Variants in DTNA observed in about 807,000 individuals in gnomAD.
The protein encoded by DTNA is dystrobrevin alpha, also known as dystrophin-related protein 3.
Under a neutral mutation model 100.7 loss-of-function variants are expected in DTNA, and 43 were observed. The observed-to-expected ratio is 0.43, with a 90% CI of 0.33 to 0.55. The LOEUF is 0.55. Ranked by LOEUF, DTNA falls within the 20% of genes least tolerant of loss-of-function variation. The pLI is 0.04. For missense variants in DTNA, 798 were observed against 953.9 expected (o/e 0.84, Z 2.15); for synonymous variants, 349 against 347.9 (o/e 1.00, Z -0.04).
At chr18:34,787,047 G>A (rs762638705) in intron 3 of DTNA, among the ~76,000 whole-genome samples, 7 of 152,144 alleles carry the variant, frequency 4.6e-5, no homozygotes, top group Non-Finnish European at 8.8e-5. Context: ...GAGCCTAAGA[G>A]ATGCAGCATT....
intron 11 of DTNA, among the ~76,000 whole-genome samples, chr18:34,831,324 G>T (rs1421440575): frequency 2.0e-5 from 3 of 152,080 alleles, no homozygotes; most frequent in Non-Finnish European, 4.4e-5. Context: ...CTCACAAAAG[G>T]AATCACCTTG....
intron 1 of DTNA, among the ~76,000 whole-genome samples, chr18:34,589,268 A>G (rs573493595): frequency 3.9e-5 from 6 of 152,246 alleles, no homozygotes; most frequent in Admixed American, 2.0e-4. Flanking sequence ...GGTGATTACT[A>G]CAGTTAAACA....
chr18:34,717,407 G>A (rs1568304742), intron 1 of DTNA, among the ~76,000 whole-genome samples: 1 of 152,162 alleles, frequency 6.6e-6, no homozygotes, highest in South Asian at 2.1e-4. Context: ...ACAAGAAGGT[G>A]AGTATTCTTT....
chr18:34,509,654 T>C (rs2040837427), intron 1 of DTNA, among the ~76,000 whole-genome samples: 3 of 152,164 alleles, frequency 2.0e-5, no homozygotes, highest in Admixed American at 2.0e-4. Context: ...CAGGAAAACA[T>C]TTCAAATCAT....
chr18:34,701,008 G>A (rs1483839306), intron 1 of DTNA, among the ~76,000 whole-genome samples: 2 of 152,054 alleles, frequency 1.3e-5, no homozygotes, highest in Non-Finnish European at 2.9e-5. Context: ...ACCCTCTTAA[G>A]GACTGAGTGC....
chr18:34,683,799 T>C (rs184842299), intron 1 of DTNA: 1 of 152,142 alleles, frequency 6.6e-6, no homozygotes, highest in African/African-American at 2.4e-5. Context: ...ATCATTAACA[T>C]TTTTCTCCAG....
chr18:34,545,729 T>C (rs2044711259), intron 1 of DTNA, among the ~76,000 whole-genome samples: 1 of 152,094 alleles, frequency 6.6e-6, no homozygotes, highest in South Asian at 2.1e-4. Context: ...TTATAAATTA[T>C]ATTTAATTTC....
intron 17 of DTNA, among the ~76,000 whole-genome samples, chr18:34,873,935 T>C (rs2096790032): frequency 6.6e-6 from 1 of 152,174 alleles, no homozygotes; most frequent in African/African-American, 2.4e-5. Flanking sequence ...CATTACAAGG[T>C]ACTGTTGAGA....
At chr18:34,705,833 T>C (rs1056898472), upstream of DTNA, among the ~76,000 whole-genome samples, 1 of 152,250 alleles carries the variant, frequency 6.6e-6, no homozygotes, top group East Asian at 1.9e-4. Context: ...TTCTGATATA[T>C]ACGAATGTTA....
intron 1 of DTNA, among the ~76,000 whole-genome samples, chr18:34,606,143 A>G (rs2053048165): frequency 6.6e-6 from 1 of 152,098 alleles, no homozygotes; most frequent in Admixed American, 6.6e-5. Context: ...GGAGGGGAAA[A>G]ATACTGAGTA....
intron 1 of DTNA, among the ~76,000 whole-genome samples, chr18:34,740,606 A>G (rs1050376721): frequency 1.3e-5 from 2 of 152,140 alleles, no homozygotes; most frequent in Non-Finnish European, 2.9e-5. Context: ...CCTGGGTGAC[A>G]TAGTGAGACC....
At chr18:34,794,398 C>T in intron 4 of DTNA, 148 bp downstream of exon 4, 2 of 876,496 alleles carry the variant, frequency 2.3e-6, no homozygotes, top group Non-Finnish European at 1.8e-6. Context: ...TCAGTAAAGT[C>T]TCCATGTGTT....
At chr18:34,703,428 T>C (rs2146250647) in intron 1 of DTNA, among the ~76,000 whole-genome samples, 1 of 152,228 alleles carries the variant, frequency 6.6e-6, no homozygotes, top group East Asian at 1.9e-4. Flanking sequence ...TTATTTTCAC[T>C]GGGATATACT....
intron 13 of DTNA, among the ~76,000 whole-genome samples, chr18:34,843,504 C>T (rs1182223566): frequency 6.6e-6 from 1 of 152,062 alleles, no homozygotes; most frequent in African/African-American, 2.4e-5. Context: ...GACTAAGGTG[C>T]CAGCAGGGTT....
chr18:34,755,599 T>C, intron 1 of DTNA: 1 of 269,244 alleles, frequency 3.7e-6, no homozygotes, highest in South Asian at 4.2e-5. Flanking sequence ...ATCTGTTGAA[T>C]GGGATCCACA....
At chr18:34,671,314 C>T (rs1397379975) in intron 1 of DTNA, among the ~76,000 whole-genome samples, 2 of 152,158 alleles carry the variant, frequency 1.3e-5, no homozygotes, top group Admixed American at 1.3e-4. Context: ...ACCGATTTTC[C>T]AGGTGCTGTC....
rs2092136675 is a variant in DTNA at position 34,749,883 on chromosome 18, G to C, written c.-1-6093G>C. Reference sequence around the variant, plus strand: ...AATACTTTTTTATTATATTGCCAAAGATTAGGACTAGAATGTAAATCTAAG... The same window carrying C: ...AATACTTTTTTATTATATTGCCAAACATTAGGACTAGAATGTAAATCTAAG... On this transcript the variant is annotated intron_variant, in intron 1 of 22. Transcript: ENST00000444659. Among the ~76,000 whole-genome samples, 3 of 152,038 alleles carry C rather than the reference G, an allele frequency of 2.0e-5. No homozygotes were observed. In the South Asian group the frequency reaches 6.2e-4, roughly 31 times the overall value.
At chr18:34,600,038 C>T (rs2147159039) in intron 1 of DTNA, among the ~76,000 whole-genome samples, 1 of 152,220 alleles carries the variant, frequency 6.6e-6, no homozygotes, top group South Asian at 2.1e-4. Context: ...AATCTCCACA[C>T]ATATTTAAAA....
At chr18:34,764,517 G>A (rs2093367181) in intron 2 of DTNA, among the ~76,000 whole-genome samples, 1 of 152,186 alleles carries the variant, frequency 6.6e-6, no homozygotes, top group African/African-American at 2.4e-5. Context: ...CAAGTGCTCA[G>A]TGTCACTAAG....
Sources: allele counts gnomAD v4.1 joint callset (sites outside exome capture counted in the v4.1 genomes callset), GRCh38; gene constraint gnomAD v4.1.1; transcripts MANE v1.5; gene names NCBI Gene and HGNC (gene_info 2026-07-23, HGNC 2026-07-21).